Variants in SLC28A3 observed in about 807,000 individuals in gnomAD.
SLC28A3 encodes concentrative Na(+)-nucleoside cotransporter 3.
A neutral mutation model predicts 84.2 loss-of-function variants in SLC28A3; 68 were observed. The ratio of observed to expected loss-of-function variants is 0.81; its 90% CI spans 0.66 to 0.99. The LOEUF (loss-of-function observed/expected upper bound fraction) is 0.99. Among genes scored for constraint, SLC28A3 ranks in the 50% least tolerant of loss-of-function variants. SLC28A3 has a pLI of 0.00. For missense variants in SLC28A3, 712 were observed against 841.5 expected, an observed-to-expected ratio of 0.85 and a Z score of 1.90; for synonymous variants, 267 against 303.6, an observed-to-expected ratio of 0.88 and a Z score of 1.25.
chr9:84,346,611 A>T, the SLC28A3 span, among the ~76,000 whole-genome samples: 1 of 152,246 alleles, frequency 6.6e-6, no homozygotes, highest in Non-Finnish European at 1.5e-5. Flanking sequence ...TATAAGGCTT[A>T]GTCTAATTAA....
intron 1 of SLC28A3, among the ~76,000 whole-genome samples, chr9:84,317,550 T>C (rs2118465688): frequency 6.6e-6 from 1 of 152,292 alleles, no homozygotes; most frequent in Admixed American, 6.5e-5. Context: ...TGTGCTGTAA[T>C]CACACAGCCT....
At chr9:84,351,241 C>T in the SLC28A3 span, among the ~76,000 whole-genome samples, 28 of 152,228 alleles carry the variant, frequency 1.8e-4, 1 homozygote, top group East Asian at 2.7e-3. Flanking sequence ...GATGTCACTA[C>T]GTGATAAAAT....
intron 2 of SLC28A3, among the ~76,000 whole-genome samples, chr9:84,310,813 T>A (rs560533390): frequency 1.2e-4 from 19 of 152,284 alleles, no homozygotes; most frequent in African/African-American, 4.6e-4. Flanking sequence ...TGAGTCTTAT[T>A]TATTTATTTC....
chr9:84,312,114 A>G (rs1364652476), intron 2 of SLC28A3, among the ~76,000 whole-genome samples: 1 of 152,176 alleles, frequency 6.6e-6, no homozygotes, highest in Non-Finnish European at 1.5e-5. Context: ...CAGTTTATTT[A>G]TTCATTCACC....
At chr9:84,340,326 A>C (rs911232934) in intron 1 of SLC28A3, among the ~76,000 whole-genome samples, 2 of 152,210 alleles carry the variant, frequency 1.3e-5, no homozygotes, top group Non-Finnish European at 2.9e-5. Flanking sequence ...AAGGGAAAAA[A>C]GGCAAGAGAA....
At chr9:84,288,244 C>T in intron 11 of SLC28A3, 66 bp from the exon 12 acceptor site, 3 of 1,602,474 alleles carry the variant, frequency 1.9e-6, no homozygotes, top group Non-Finnish European at 2.6e-6. Context: ...GAGGAAGGGT[C>T]CAAGAGCTCC....
chr9:84,292,505 C>G, intron 10 of SLC28A3, 163 bp downstream of exon 10: 2 of 555,238 alleles, frequency 3.6e-6, no homozygotes, highest in South Asian at 2.3e-5. Context: ...CTGTCTCTCT[C>G]TCTTCTCCCC....
chr9:84,303,359 T>C (rs951408696), intron 4 of SLC28A3, among the ~76,000 whole-genome samples: 1 of 152,228 alleles, frequency 6.6e-6, no homozygotes, highest in African/African-American at 2.4e-5. Flanking sequence ...TTGCTCTTGT[T>C]GCCCAGGATA....
chr9:84,362,447 C>A, the SLC28A3 span, among the ~76,000 whole-genome samples: 1 of 152,090 alleles, frequency 6.6e-6, no homozygotes, highest in African/African-American at 2.4e-5. Flanking sequence ...GCCTGGCCAA[C>A]ATGGTGAAAC....
chr9:84,322,593 C>T (rs11140526), intron 1 of SLC28A3, among the ~76,000 whole-genome samples: 15,320 of 152,076 alleles, frequency 0.1, 857 homozygotes, highest in South Asian at 0.15. Flanking sequence ...GCCCATAATC[C>T]CAGCACTTTG....
chr9:84,314,453 G>A (rs919572873), intron 1 of SLC28A3, among the ~76,000 whole-genome samples: 15 of 152,130 alleles, frequency 9.9e-5, no homozygotes, highest in Admixed American at 6.5e-4. Flanking sequence ...TTAGCCCAAC[G>A]ACTATGACTG....
At position 84,295,208 on chromosome 9, in the gene SLC28A3, T is replaced by C. The variant is rs958658247; in HGVS notation, c.862-933A>G. Among the ~76,000 whole-genome samples the C allele has an allele frequency of 1.1e-4, 17 of 152,176 alleles. 1 individual carries two copies. Among genetic ancestry groups the C allele is most frequent in the Admixed American group, 9.8e-4 (15 of 15,280 alleles). ...ACATTCATTCTTCTAGCTTTTAAAA[T>C]AATAGTGATTTTACCTATAGATTTT... On this transcript the variant is annotated intron_variant, in intron 8 of 17. Coordinates refer to ENST00000376238, the MANE Select transcript of SLC28A3 (RefSeq NM_001199633.2).
chr9:84,322,923 A>G (rs917244363), intron 1 of SLC28A3, among the ~76,000 whole-genome samples: 1 of 152,230 alleles, frequency 6.6e-6, no homozygotes, highest in African/African-American at 2.4e-5. Flanking sequence ...GAATGACTCA[A>G]GATGTTAGAA....
intron 8 of SLC28A3, 132 bp downstream of exon 8, chr9:84,297,089 T>C: frequency 1.7e-6 from 1 of 601,292 alleles, no homozygotes; most frequent in Non-Finnish European, 2.9e-6. Context: ...AGAGCAGTGA[T>C]GTATTGCACA....
intron 12 of SLC28A3, 145 bp downstream of exon 12, chr9:84,287,903 T>G: frequency 9.0e-7 from 1 of 1,116,716 alleles, no homozygotes; most frequent in Non-Finnish European, 1.3e-6. Context: ...GACTTTTTTC[T>G]GTGAAGTCTA....
the SLC28A3 span, among the ~76,000 whole-genome samples, chr9:84,360,092 T>C: frequency 1.2e-4 from 18 of 152,000 alleles, no homozygotes; most frequent in East Asian, 9.7e-4. Context: ...GAAGGAACCT[T>C]GAACCTGTAA....
chr9:84,306,303 A>G (rs1201540759), intron 3 of SLC28A3, among the ~76,000 whole-genome samples: 3 of 152,100 alleles, frequency 2.0e-5, no homozygotes, highest in African/African-American at 7.2e-5. Context: ...TGTGGCCCCA[A>G]GCTGGGAGAC....
intron 4 of SLC28A3, 95 bp downstream of exon 4, chr9:84,305,159 T>C: frequency 9.3e-7 from 1 of 1,070,304 alleles, no homozygotes; most frequent in Non-Finnish European, 1.4e-6. Context: ...AAAATAAAGG[T>C]TTAATCTTTT....
At chr9:84,353,408 T>C in the SLC28A3 span, among the ~76,000 whole-genome samples, 1 of 152,152 alleles carries the variant, frequency 6.6e-6, no homozygotes, top group African/African-American at 2.4e-5. Context: ...TTCCATCTAC[T>C]GTACTAAAAA....
Sources: gnomAD v4.1 joint callset for allele counts (sites outside exome capture counted in the v4.1 genomes callset) on GRCh38, gnomAD v4.1.1 for gene constraint, MANE v1.5 for transcripts, NCBI Gene and HGNC (gene_info 2026-07-23, HGNC 2026-07-21) for gene names.